Variants in GNG12 observed in about 807,000 individuals in gnomAD.
The protein encoded by GNG12 is guanine nucleotide-binding protein G(I)/G(S)/G(O) subunit gamma-12.
For synonymous variants in GNG12, 28 were observed against 29.7 expected, an observed-to-expected ratio of 0.94 and a Z score of 0.19; for missense variants, 69 against 83.8, an observed-to-expected ratio of 0.82 and a Z score of 0.69.
chr1:67,735,332 C>T (rs1410619088), intron 2 of GNG12, among the ~76,000 whole-genome samples: 1 of 152,162 alleles, frequency 6.6e-6, no homozygotes, highest in Non-Finnish European at 1.5e-5. Context: ...GCAGCATTTC[C>T]CCAAATTATT....
chr1:67,783,145 ATTTC>A (rs942246692), intron 1 of GNG12, among the ~76,000 whole-genome samples: 4 of 152,182 alleles, frequency 2.6e-5, no homozygotes, highest in African/African-American at 9.6e-5. Context: ...TATGGCTACT[ATTTC>A]TTTCTAAAAT....
At chr1:67,791,757 G>A (rs1646802880) in intron 1 of GNG12, among the ~76,000 whole-genome samples, 1 of 152,082 alleles carries the variant, frequency 6.6e-6, no homozygotes, top group Admixed American at 6.6e-5. Context: ...GCTGATCTGG[G>A]CTTCACACTT....
At chr1:67,766,883 T>C (rs1266917979) in intron 2 of GNG12, among the ~76,000 whole-genome samples, 1 of 152,078 alleles carries the variant, frequency 6.6e-6, no homozygotes, top group Non-Finnish European at 1.5e-5. Flanking sequence ...GGTGTCCTCT[T>C]AGGGAATGCA....
intron 2 of GNG12, among the ~76,000 whole-genome samples, chr1:67,710,244 T>TTA (rs1206871496): frequency 3.4e-5 from 4 of 118,900 alleles, no homozygotes; most frequent in Admixed American, 1.1e-4. Context: ...ATATATATAG[T>TTA]TATATATATA....
chr1:67,719,701 T>A (rs1043859153), intron 2 of GNG12, among the ~76,000 whole-genome samples: 1 of 152,254 alleles, frequency 6.6e-6, no homozygotes, highest in South Asian at 2.1e-4. Context: ...TGATATTTTC[T>A]GCAACTATAG....
chr1:67,768,262 G>A (rs1479159997), intron 2 of GNG12, among the ~76,000 whole-genome samples: 1 of 152,128 alleles, frequency 6.6e-6, no homozygotes, highest in African/African-American at 2.4e-5. Context: ...AGAGGTAAGC[G>A]ACTTGTCCAA....
At chr1:67,811,150 T>C (rs889294987) in intron 1 of GNG12, among the ~76,000 whole-genome samples, 1 of 152,202 alleles carries the variant, frequency 6.6e-6, no homozygotes, top group South Asian at 2.1e-4. Flanking sequence ...TCTGAAGTCA[T>C]AGTTTTCAAC....
At chr1:67,812,926 T>G (rs886474383) in intron 1 of GNG12, among the ~76,000 whole-genome samples, 1 of 152,222 alleles carries the variant, frequency 6.6e-6, no homozygotes, top group East Asian at 1.9e-4. Context: ...GTTGCTGGAA[T>G]GGGCAGCTGG....
intron 1 of GNG12, among the ~76,000 whole-genome samples, chr1:67,782,755 C>T (rs1412728097): frequency 2.0e-5 from 3 of 152,098 alleles, no homozygotes; most frequent in African/African-American, 7.2e-5. Context: ...TTACACTCAA[C>T]ATAATTTTTT....
At position 67,813,074 on chromosome 1, in the gene GNG12, G is replaced by T. The variant is rs139582027; in HGVS notation, c.-77+20270C>A. ...TTCTGTTGTAACATCCCATAATTCT[G>T]TCCCCAAAGCTCCAGATGGCAAGCT... is the stretch of plus-strand genomic sequence containing the variant. On this transcript the variant is annotated intron_variant, in intron 1 of 3. Transcript: ENST00000370982. Among the ~76,000 whole-genome samples, 1,196 of 152,236 alleles carry T rather than the reference G, an allele frequency of 7.9e-3. 15 individuals are homozygous for T. The highest frequency in any genetic ancestry group is 0.027 in the African/African-American group (1,136 of 41,544).
rs537567457 is a variant in GNG12, at chr1:67,813,578, A to G, written c.-77+19766T>C. Reference sequence around the variant, plus strand: ...TGAAAGTACATTTTCAGCAGAGGCCACATTTAACACTTTTTAAAAGTAGAG... The same window carrying G: ...TGAAAGTACATTTTCAGCAGAGGCCGCATTTAACACTTTTTAAAAGTAGAG... On this transcript the variant is annotated intron_variant, in intron 1 of 3. Coordinates refer to ENST00000370982, the MANE Select transcript of GNG12 (RefSeq NM_018841.6). 3.6e-3 allele frequency among the ~76,000 whole-genome samples: 544 copies of G among 152,356 alleles called. 1 individual carries two copies. The highest frequency in any genetic ancestry group is 4.7e-3 in the Non-Finnish European group (320 of 68,034).
At chr1:67,832,065 G>T (rs1647049353) in intron 1 of GNG12, among the ~76,000 whole-genome samples, 2 of 152,310 alleles carry the variant, frequency 1.3e-5, no homozygotes, top group Admixed American at 6.5e-5. Context: ...ATTATACACA[G>T]CCTATTCAGG....
At chr1:67,787,263 T>C (rs879601941) in intron 1 of GNG12, among the ~76,000 whole-genome samples, 2 of 151,876 alleles carry the variant, frequency 1.3e-5, no homozygotes, top group Non-Finnish European at 2.9e-5. Flanking sequence ...CTGTACAGAA[T>C]GACCAGGGTT....
At chr1:67,828,604 AT>A (rs1647024598) in intron 1 of GNG12, among the ~76,000 whole-genome samples, 1 of 152,186 alleles carries the variant, frequency 6.6e-6, no homozygotes, top group Admixed American at 6.5e-5. Context: ...GTTTTTATCT[AT>A]CCAACCTTCC....
At chr1:67,771,413 T>C (rs1316774983) in intron 2 of GNG12, among the ~76,000 whole-genome samples, 1 of 152,222 alleles carries the variant, frequency 6.6e-6, no homozygotes, top group Non-Finnish European at 1.5e-5. Flanking sequence ...AGTAAAGTAG[T>C]AGGAACCTGT....
At chr1:67,785,400 T>C (rs1646762252) in intron 1 of GNG12, among the ~76,000 whole-genome samples, 1 of 152,202 alleles carries the variant, frequency 6.6e-6, no homozygotes, top group Non-Finnish European at 1.5e-5. Flanking sequence ...AGTATTCCCT[T>C]ATTCTTTGGC....
At chr1:67,776,532 G>A (rs1250453116) in intron 2 of GNG12, among the ~76,000 whole-genome samples, 7 of 152,108 alleles carry the variant, frequency 4.6e-5, no homozygotes, top group African/African-American at 1.2e-4. Context: ...CTCTCTCCTG[G>A]AACCCTGCCC....
chr1:67,779,864 C>A (rs1363604833), intron 1 of GNG12, among the ~76,000 whole-genome samples: 1 of 152,092 alleles, frequency 6.6e-6, no homozygotes, highest in African/African-American at 2.4e-5. Context: ...CATGGTAGAG[C>A]CTATTGTGTC....
rs1396030217 is a variant in GNG12 at position 67,750,068 on chromosome 1, C to G, written c.-27+27390G>C. ...CAGAAGGTACCCACTGCCCAGCCTG[C>G]CAACAACCTATCTTCCTTTAAACAA... On this transcript the variant is annotated intron_variant, in intron 2 of 3. Transcript: ENST00000370982. Among the ~76,000 whole-genome samples, 7 of 152,162 alleles carry G rather than the reference C, an allele frequency of 4.6e-5. No homozygotes were observed. The East Asian group carries it at 1.2e-3, about 25-fold the overall frequency.
Sources: allele counts gnomAD v4.1 joint callset (sites outside exome capture counted in the v4.1 genomes callset), GRCh38; gene constraint gnomAD v4.1.1; transcripts MANE v1.5; gene names NCBI Gene and HGNC (gene_info 2026-07-23, HGNC 2026-07-21).